Variants in GREM2 observed in about 807,000 individuals in gnomAD.
GREM2 encodes gremlin-2.
Under a neutral mutation model 14.2 loss-of-function variants are expected in GREM2, and 11 were observed. That is an observed-to-expected ratio of 0.78 (90% CI 0.49 to 1.28). GREM2 has a LOEUF of 1.28. Among genes scored for constraint, GREM2 ranks in the 50% most tolerant of loss-of-function variants. GREM2 has a pLI of 0.00. For synonymous variants in GREM2, 98 were observed against 97.6 expected, an observed-to-expected ratio of 1.00 and a Z score of -0.02; for missense variants, 210 against 218.5, an observed-to-expected ratio of 0.96 and a Z score of 0.24.
chr1:240,569,101 C>G (rs1299698998), intron 1 of GREM2, among the ~76,000 whole-genome samples: 1 of 151,884 alleles, frequency 6.6e-6, no homozygotes, highest in Non-Finnish European at 1.5e-5. Flanking sequence ...ACAATTACAA[C>G]AGAAACATGG....
At chr1:240,603,836 A>T (rs889889691) in intron 1 of GREM2, among the ~76,000 whole-genome samples, 21 of 150,226 alleles carry the variant, frequency 1.4e-4, no homozygotes, top group African/African-American at 4.9e-4. Context: ...TATGTATTTT[A>T]TATATATATA....
At chr1:240,610,570 C>T (rs1191507306) in intron 1 of GREM2, among the ~76,000 whole-genome samples, 1 of 152,138 alleles carries the variant, frequency 6.6e-6, no homozygotes, top group East Asian at 1.9e-4. Flanking sequence ...ACACAAATAC[C>T]TTTCTTATAA....
At chr1:240,529,463 G>A (rs1039074051) in intron 1 of GREM2, among the ~76,000 whole-genome samples, 12 of 151,922 alleles carry the variant, frequency 7.9e-5, no homozygotes, top group Non-Finnish European at 1.3e-4. Flanking sequence ...CCATCTTATT[G>A]TGAAATGACT....
intron 1 of GREM2, among the ~76,000 whole-genome samples, chr1:240,551,338 GT>G (rs71752374): frequency 0.45 from 68,338 of 151,574 alleles, 15,692 homozygotes; most frequent in African/African-American, 0.55. Context: ...TTTACCTTGT[GT>G]TTTTTTTTGT....
chr1:240,550,569 G>A (rs186430149), intron 1 of GREM2, among the ~76,000 whole-genome samples: 2 of 152,242 alleles, frequency 1.3e-5, no homozygotes, highest in African/African-American at 4.8e-5. Flanking sequence ...GAGTAGTGGG[G>A]AAACTGAATA....
At chr1:240,537,986 T>A (rs1678508924) in intron 1 of GREM2, among the ~76,000 whole-genome samples, 2 of 152,216 alleles carry the variant, frequency 1.3e-5, no homozygotes, top group Admixed American at 6.5e-5. Context: ...GCCATGCCCA[T>A]TTAAAAAACC....
intron 1 of GREM2, among the ~76,000 whole-genome samples, chr1:240,548,025 G>A (rs1349515775): frequency 6.6e-6 from 1 of 152,008 alleles, no homozygotes; most frequent in Admixed American, 6.6e-5. Context: ...GGTTTGGGAG[G>A]CCAAGGTGGG....
At chr1:240,584,366 G>T (rs1679547983) in intron 1 of GREM2, among the ~76,000 whole-genome samples, 1 of 151,610 alleles carries the variant, frequency 6.6e-6, no homozygotes, top group African/African-American at 2.4e-5. Flanking sequence ...ATGCTGGTGG[G>T]TGCCTGTAAT....
chr1:240,501,306 A>C (rs1677564852), intron 1 of GREM2, among the ~76,000 whole-genome samples: 1 of 152,230 alleles, frequency 6.6e-6, no homozygotes. Flanking sequence ...TTTGAAATCC[A>C]AATGGATTCA....
chr1:240,606,203 T>A (rs904376472), intron 1 of GREM2, among the ~76,000 whole-genome samples: 2 of 152,192 alleles, frequency 1.3e-5, no homozygotes, highest in Admixed American at 1.3e-4. Context: ...TCCTTAAGCA[T>A]CAGTTTTGTG....
intron 1 of GREM2, among the ~76,000 whole-genome samples, chr1:240,593,387 C>G (rs1365717454): frequency 6.6e-6 from 1 of 151,686 alleles, no homozygotes; most frequent in Non-Finnish European, 1.5e-5. Context: ...CCTTCAGATT[C>G]CACACACTGA....
intron 1 of GREM2, among the ~76,000 whole-genome samples, chr1:240,507,608 T>C (rs1201890545): frequency 1.3e-5 from 2 of 152,088 alleles, no homozygotes; most frequent in African/African-American, 4.8e-5. Context: ...GCTGAGATTA[T>C]AGGCATAAGC....
chr1:240,494,376 A>G (rs1431531574), intron 1 of GREM2, among the ~76,000 whole-genome samples: 2 of 152,232 alleles, frequency 1.3e-5, no homozygotes, highest in Non-Finnish European at 2.9e-5. Context: ...AGAGCCATCA[A>G]TGTTAACCAG....
intron 1 of GREM2, among the ~76,000 whole-genome samples, chr1:240,499,565 C>T (rs753602073): frequency 6.6e-6 from 1 of 152,198 alleles, no homozygotes; most frequent in African/African-American, 2.4e-5. Context: ...CTACTAAAGG[C>T]ACTTCATCGA....
At chr1:240,536,782 TG>T (rs377519443) in intron 1 of GREM2, among the ~76,000 whole-genome samples, 102 of 152,102 alleles carry the variant, frequency 6.7e-4, no homozygotes, top group African/African-American at 2.2e-3. Flanking sequence ...GCTACGTGCA[TG>T]GGGATAAGGT....
chr1:240,561,727 A>ACACACAC (rs1679043936), intron 1 of GREM2, among the ~76,000 whole-genome samples: 1 of 111,008 alleles, frequency 9.0e-6, no homozygotes, highest in South Asian at 3.1e-4. Context: ...CACACACACA[A>ACACACAC]ACTGCCATAG....
At chr1:240,534,160 G>A (rs570796601) in intron 1 of GREM2, among the ~76,000 whole-genome samples, 2 of 152,168 alleles carry the variant, frequency 1.3e-5, no homozygotes, top group African/African-American at 4.8e-5. Context: ...GCAGATGATG[G>A]ACAATTCAGG....
chr1:240,495,453 T>C (rs1323797616), intron 1 of GREM2, among the ~76,000 whole-genome samples: 1 of 152,238 alleles, frequency 6.6e-6, no homozygotes, highest in Non-Finnish European at 1.5e-5. Flanking sequence ...GTTAAATGTT[T>C]GAATTTTTTA....
At chr1:240,546,326 A>G (rs1678715699) in intron 1 of GREM2, among the ~76,000 whole-genome samples, 1 of 141,688 alleles carries the variant, frequency 7.1e-6, no homozygotes, top group South Asian at 2.3e-4. Context: ...TTGACAGAGT[A>G]AGGGAGACTC....
Sources: gnomAD v4.1 joint callset for allele counts (sites outside exome capture counted in the v4.1 genomes callset) on GRCh38, gnomAD v4.1.1 for gene constraint, MANE v1.5 for transcripts, NCBI Gene and HGNC (gene_info 2026-07-23, HGNC 2026-07-21) for gene names.